TRAPPC9: variants seen among roughly 807,000 people sequenced by gnomAD.
TRAPPC9 encodes the protein IKK2 binding protein.
A neutral mutation model predicts 124.0 loss-of-function variants in TRAPPC9; 83 were observed. The observed-to-expected ratio is 0.67, with a 90% CI of 0.56 to 0.80. The LOEUF is 0.80. Ranked by LOEUF, TRAPPC9 falls within the 30% of genes least tolerant of loss-of-function variation. The pLI, the probability that TRAPPC9 is intolerant of heterozygous loss-of-function variation, is 0.00. For missense variants in TRAPPC9, 1,302 were observed against 1,508.3 expected (o/e 0.86, Z 2.27); for synonymous variants, 638 against 617.5 (o/e 1.03, Z -0.49).
intron 19 of TRAPPC9, among the ~76,000 whole-genome samples, chr8:139,926,161 G>T (rs1042476024): frequency 1.3e-5 from 2 of 152,202 alleles, no homozygotes; most frequent in African/African-American, 2.4e-5. Context: ...AGTCACACTG[G>T]AGAGACCCAG....
intron 9 of TRAPPC9, among the ~76,000 whole-genome samples, chr8:140,314,389 T>C (rs1350821912): frequency 6.6e-6 from 1 of 152,240 alleles, no homozygotes; most frequent in Non-Finnish European, 1.5e-5. Flanking sequence ...GCATTTACTG[T>C]ATAACAATCA....
intron 8 of TRAPPC9, among the ~76,000 whole-genome samples, chr8:140,366,657 AG>A (rs1379044383): frequency 6.6e-6 from 1 of 152,242 alleles, no homozygotes; most frequent in East Asian, 1.9e-4. Context: ...AGGTGACCTT[AG>A]GTATACTAAT....
chr8:140,233,147 C>G (rs2063642143), intron 16 of TRAPPC9, among the ~76,000 whole-genome samples: 1 of 152,128 alleles, frequency 6.6e-6, no homozygotes, highest in Non-Finnish European at 1.5e-5. Context: ...ACCCCATCAT[C>G]CCTCAAAATG....
At chr8:140,140,466 G>A (rs1442682569) in intron 17 of TRAPPC9, among the ~76,000 whole-genome samples, 5 of 152,102 alleles carry the variant, frequency 3.3e-5, no homozygotes, top group African/African-American at 1.2e-4. Flanking sequence ...TTAATACCTT[G>A]CTTTCCCCAG....
At chr8:140,067,267 C>T (rs980876023) in intron 17 of TRAPPC9, among the ~76,000 whole-genome samples, 7 of 152,178 alleles carry the variant, frequency 4.6e-5, no homozygotes, top group African/African-American at 1.7e-4. Flanking sequence ...CCTCAGCTTC[C>T]CAAGTAGCTG....
At chr8:140,186,042 C>G (rs1247762192) in intron 17 of TRAPPC9, among the ~76,000 whole-genome samples, 9 of 152,116 alleles carry the variant, frequency 5.9e-5, no homozygotes, top group Non-Finnish European at 4.4e-5. Flanking sequence ...TATTGTTACC[C>G]AAAAGCTATT....
intron 18 of TRAPPC9, among the ~76,000 whole-genome samples, chr8:140,004,721 G>A (rs941909320): frequency 2.0e-5 from 3 of 152,124 alleles, no homozygotes; most frequent in East Asian, 1.9e-4. Flanking sequence ...ATGAGTACCC[G>A]CCAAGGTCCA....
At chr8:140,378,156 C>G (rs907976866) in intron 7 of TRAPPC9, among the ~76,000 whole-genome samples, 1 of 152,146 alleles carries the variant, frequency 6.6e-6, no homozygotes, top group Non-Finnish European at 1.5e-5. Context: ...CACTCTTATA[C>G]CAGGACAACT....
At chr8:139,831,701 G>T (rs1221359049) in intron 21 of TRAPPC9, among the ~76,000 whole-genome samples, 1 of 152,138 alleles carries the variant, frequency 6.6e-6, no homozygotes, top group Non-Finnish European at 1.5e-5. Flanking sequence ...CTGGATGGGG[G>T]GTCAGGTATC....
intron 15 of TRAPPC9, among the ~76,000 whole-genome samples, chr8:140,265,273 G>C (rs1267456512): frequency 1.3e-5 from 2 of 152,216 alleles, no homozygotes; most frequent in Non-Finnish European, 2.9e-5. Context: ...CATAAGGTAT[G>C]CTCAGAAGAT....
intron 18 of TRAPPC9, among the ~76,000 whole-genome samples, chr8:139,992,103 T>C (rs926620973): frequency 6.6e-6 from 1 of 152,152 alleles, no homozygotes; most frequent in Non-Finnish European, 1.5e-5. Context: ...GATTAAGACA[T>C]ACAATCAATC....
chr8:140,290,900 C>T (rs187639164), intron 12 of TRAPPC9, 93 bp downstream of exon 12: 127 of 984,940 alleles, frequency 1.3e-4, no homozygotes, highest in Non-Finnish European at 1.9e-4. Flanking sequence ...AGACACATAT[C>T]GTAAGATGTG....
chr8:140,233,704 A>G (rs183302336), intron 16 of TRAPPC9, among the ~76,000 whole-genome samples: 104 of 147,568 alleles, frequency 7.0e-4, no homozygotes, highest in African/African-American at 2.5e-3. Flanking sequence ...AGTCCCTGGA[A>G]CTGGCTTTGC....
In TRAPPC9 at chr8:139,886,176, T is replaced by C. The variant is rs73366258; in HGVS notation, c.2965-207A>G. Among the ~76,000 whole-genome samples the C allele has an allele frequency of 3.8e-3, 579 of 152,320 alleles. No homozygotes were observed. The highest frequency in any genetic ancestry group is 0.013 in the African/African-American group (543 of 41,558). Reference sequence around the variant, plus strand: ...ATAAAACAGCAAGTGCTTGTCCTCCTACCCCTCAAATCTGGTAAATTAAAC... The same window carrying C: ...ATAAAACAGCAAGTGCTTGTCCTCCCACCCCTCAAATCTGGTAAATTAAAC... On this transcript the variant is annotated intron_variant, in intron 20 of 22. Transcript: ENST00000438773.
intron 7 of TRAPPC9, among the ~76,000 whole-genome samples, chr8:140,395,738 T>C (rs185683729): frequency 7.9e-5 from 12 of 152,276 alleles, no homozygotes; most frequent in Non-Finnish European, 1.8e-4. Context: ...AGAAACTGAT[T>C]TGAAAGTCTC....
At chr8:139,951,249 G>C (rs577725703) in intron 19 of TRAPPC9, among the ~76,000 whole-genome samples, 1 of 152,336 alleles carries the variant, frequency 6.6e-6, no homozygotes, top group South Asian at 2.1e-4. Context: ...CGTTCTCTTC[G>C]AAGTGGTCAC....
chr8:139,911,720 A>AG (rs1205878478), intron 19 of TRAPPC9, among the ~76,000 whole-genome samples: 1 of 144,896 alleles, frequency 6.9e-6, no homozygotes, highest in African/African-American at 2.6e-5. Context: ...AAAAAAAAAA[A>AG]GTAGGCCTTT....
intron 21 of TRAPPC9, among the ~76,000 whole-genome samples, chr8:139,848,702 T>C (rs948329367): frequency 2.0e-5 from 3 of 152,148 alleles, no homozygotes; most frequent in East Asian, 3.9e-4. Flanking sequence ...TATACTTAGA[T>C]GAATTACAGT....
At chr8:140,363,214 C>A (rs1296973173) in intron 8 of TRAPPC9, among the ~76,000 whole-genome samples, 1 of 152,164 alleles carries the variant, frequency 6.6e-6, no homozygotes, top group Non-Finnish European at 1.5e-5. Flanking sequence ...TCTTCATATA[C>A]AGCAACACAA....
Sources: allele counts gnomAD v4.1 joint callset (sites outside exome capture counted in the v4.1 genomes callset), GRCh38; gene constraint gnomAD v4.1.1; transcripts MANE v1.5; gene names NCBI Gene and HGNC (gene_info 2026-07-23, HGNC 2026-07-21).